The following EPHA6 variants were observed in gnomAD, a reference collection of about 807,000 sequenced individuals.
EPHA6 encodes the protein EPH receptor A6, also known as ephrin type-A receptor 6.
EPHA6 carries 50 observed loss-of-function variants against 112.0 expected under a neutral mutation model. That is an observed-to-expected ratio of 0.45 (90% CI 0.36 to 0.56). EPHA6 has a LOEUF of 0.56. Among genes scored for constraint, EPHA6 ranks in the 20% least tolerant of loss-of-function variants. The probability of loss-of-function intolerance (pLI) is 0.00; values close to 1 mark genes in which losing one functional copy is unlikely to be tolerated. For synonymous variants in EPHA6, 529 were observed against 490.7 expected (o/e 1.08, Z -1.03); for missense variants, 1,280 against 1,417.4 (o/e 0.90, Z 1.56).
chr3:97,516,251 G>A (rs1250693745), intron 10 of EPHA6, among the ~76,000 whole-genome samples: 2 of 152,126 alleles, frequency 1.3e-5, no homozygotes, highest in Admixed American at 6.6e-5. Flanking sequence ...ACAGTTAGGG[G>A]TGACACCAGA....
chr3:97,438,040 A>T (rs780578197), intron 6 of EPHA6, among the ~76,000 whole-genome samples: 1 of 152,200 alleles, frequency 6.6e-6, no homozygotes, highest in Non-Finnish European at 1.5e-5. Flanking sequence ...TTGTTGTTTG[A>T]CTATAATATA....
At chr3:97,384,462 C>T (rs1280609908) in intron 5 of EPHA6, among the ~76,000 whole-genome samples, 1 of 152,136 alleles carries the variant, frequency 6.6e-6, no homozygotes, top group African/African-American at 2.4e-5. Flanking sequence ...CTGCCATCCC[C>T]ACTCATTCAC....
At chr3:97,116,437 T>TATTA (rs1429986446) in intron 3 of EPHA6, among the ~76,000 whole-genome samples, 12 of 151,702 alleles carry the variant, frequency 7.9e-5, no homozygotes, top group Admixed American at 3.3e-4. Flanking sequence ...CATCATACTT[T>TATTA]ACAGTAGATC....
chr3:96,855,053 G>A (rs2107393033), intron 1 of EPHA6, among the ~76,000 whole-genome samples: 1 of 152,158 alleles, frequency 6.6e-6, no homozygotes, highest in South Asian at 2.1e-4. Context: ...CCTTTTTAAT[G>A]TCTGGAGACC....
intron 12 of EPHA6, among the ~76,000 whole-genome samples, chr3:97,594,711 AT>A (rs2093572679): frequency 6.6e-6 from 1 of 152,088 alleles, no homozygotes; most frequent in Admixed American, 6.6e-5. Context: ...ATTATTTTAT[AT>A]TTTTTAAAAA....
intron 1 of EPHA6, among the ~76,000 whole-genome samples, chr3:96,838,474 C>T (rs2034549687): frequency 6.6e-6 from 1 of 152,124 alleles, no homozygotes; most frequent in Non-Finnish European, 1.5e-5. Flanking sequence ...GGAATCACCA[C>T]ATTGTCTTCC....
At chr3:96,929,886 T>C (rs1383127829) in intron 2 of EPHA6, among the ~76,000 whole-genome samples, 2 of 152,216 alleles carry the variant, frequency 1.3e-5, no homozygotes, top group Non-Finnish European at 2.9e-5. Context: ...TTGGTCTCTT[T>C]ACATAATCCC....
chr3:97,588,855 A>T (rs1245051988), intron 11 of EPHA6, among the ~76,000 whole-genome samples: 3 of 152,192 alleles, frequency 2.0e-5, no homozygotes, highest in African/African-American at 7.2e-5. Flanking sequence ...TTTGTTAAGC[A>T]CATGTGAAAA....
intron 7 of EPHA6, among the ~76,000 whole-genome samples, chr3:97,456,603 T>A (rs1204307070): frequency 1.3e-5 from 2 of 152,128 alleles, no homozygotes; most frequent in African/African-American, 2.4e-5. Context: ...GTATTTTATT[T>A]TTGTTTATTT....
chr3:97,293,102 C>A (rs2080752387), intron 5 of EPHA6, among the ~76,000 whole-genome samples: 1 of 150,650 alleles, frequency 6.6e-6, no homozygotes, highest in South Asian at 2.1e-4. Context: ...CAGCAAGGGC[C>A]CAGCTCTCAG....
At chr3:97,133,950 C>T (rs1360672151) in intron 3 of EPHA6, among the ~76,000 whole-genome samples, 1 of 151,836 alleles carries the variant, frequency 6.6e-6, no homozygotes, top group Non-Finnish European at 1.5e-5. Context: ...ATATAAAATT[C>T]TATTAGCAGC....
At chr3:97,124,066 A>C (rs2048115357) in intron 3 of EPHA6, among the ~76,000 whole-genome samples, 1 of 152,140 alleles carries the variant, frequency 6.6e-6, no homozygotes, top group Non-Finnish European at 1.5e-5. Context: ...CTGCTCATTT[A>C]GTTCCCATAA....
intron 6 of EPHA6, among the ~76,000 whole-genome samples, chr3:97,448,230 C>T (rs1413221006): frequency 1.3e-5 from 2 of 152,056 alleles, no homozygotes; most frequent in East Asian, 1.9e-4. Context: ...GCTGGTGTGC[C>T]CATTTTGCTC....
chr3:96,836,865 G>T (rs2034445913), intron 1 of EPHA6, among the ~76,000 whole-genome samples: 1 of 152,142 alleles, frequency 6.6e-6, no homozygotes, highest in Non-Finnish European at 1.5e-5. Context: ...GGGAAAGTAA[G>T]TCTACCATTC....
intron 3 of EPHA6, among the ~76,000 whole-genome samples, chr3:97,130,671 A>G (rs1266476273): frequency 3.3e-5 from 5 of 152,122 alleles, no homozygotes; most frequent in Non-Finnish European, 7.4e-5. Context: ...TTATTTAGCT[A>G]TTCTCCTGCC....
rs2036140614 is a variant in EPHA6 at position 97,760,670 on chromosome 3, C to A, written c.*11969C>A. ...CAGTGCACTCAAAATGTTATAAAAT[C>A]TTTGTAGCACAAATCCTGAAGTATA... On this transcript the variant is annotated 3_prime_UTR_variant, in exon 18 of 18. Coordinates refer to ENST00000389672, the MANE Select transcript of EPHA6 (RefSeq NM_001080448.3). 5.6e-6 allele frequency: 1 copy of A among 179,692 alleles called. No individual in the cohort carries two copies. The highest frequency in any genetic ancestry group is 6.3e-5 in the Admixed American group (1 of 15,866). The allele number at this position is 179,692 out of a possible 1,614,324, so 11.1% of individuals were successfully genotyped here.
At chr3:97,554,149 A>AT (rs896942448) in intron 11 of EPHA6, among the ~76,000 whole-genome samples, 89 of 151,808 alleles carry the variant, frequency 5.9e-4, no homozygotes, top group South Asian at 1.2e-3. Flanking sequence ...AAATGAATGG[A>AT]TTTTTTTTTC....
In EPHA6 at chr3:96,987,936, C is replaced by G. The variant is rs2043081304; in HGVS notation, c.1057C>G (p.Pro353Ala). The G allele has an allele frequency of 7.4e-6, 12 of 1,613,380 alleles. No homozygotes were observed. The highest frequency in any genetic ancestry group is 1.0e-5 in the Non-Finnish European group (12 of 1,179,668). ...YCGADGDWLV[P>A]LGRCICSTGY... Reference sequence around the variant, plus strand: ...TGGAGCTGATGGAGATTGGCTGGTTCCTCTTGGAAGGTGCATCTGCAGTAC... The same window carrying G: ...TGGAGCTGATGGAGATTGGCTGGTTGCTCTTGGAAGGTGCATCTGCAGTAC... The change falls in exon 3 of 18, where the codon CCT becomes GCT. Residue 353 changes from proline to alanine, a missense_variant. Pro to Ala is a conservative substitution (Grantham distance 27). Around this residue, in one of 4 missense-constraint regions of EPHA6, gnomAD observed 878 missense variants for 999.7 expected, o/e 0.88. Transcript: ENST00000389672.
chr3:97,265,346 C>T (rs1456898607), intron 5 of EPHA6, among the ~76,000 whole-genome samples: 4 of 152,174 alleles, frequency 2.6e-5, no homozygotes, highest in Admixed American at 6.5e-5. Flanking sequence ...AACCTACAGG[C>T]CAGCATGTAG....
Sources: gnomAD v4.1 joint callset for allele counts (sites outside exome capture counted in the v4.1 genomes callset) on GRCh38, gnomAD v4.1.1 for gene constraint, gnomAD v4.1.1 regional missense constraint, MANE v1.5 for transcripts, NCBI Gene and HGNC (gene_info 2026-07-23, HGNC 2026-07-21) for gene names.